SLC39A12: variants seen among roughly 807,000 people sequenced by gnomAD.
The protein encoded by SLC39A12 is zinc transporter ZIP12.
SLC39A12 carries 63 observed loss-of-function variants against 71.1 expected under a neutral mutation model. That is an observed-to-expected ratio of 0.89 (90% CI 0.72 to 1.09). SLC39A12 has a LOEUF of 1.09. Among genes scored for constraint, SLC39A12 ranks in the 50% least tolerant of loss-of-function variants. The pLI is 0.00. For synonymous variants in SLC39A12, 351 were observed against 301.3 expected (o/e 1.16, Z -1.71); for missense variants, 892 against 812.6 (o/e 1.10, Z -1.19).
At chr10:18,037,398 A>G (rs759498565) in intron 12 of SLC39A12, among the ~76,000 whole-genome samples, 3 of 145,000 alleles carry the variant, frequency 2.1e-5, no homozygotes, top group Non-Finnish European at 4.6e-5. Context: ...TTTCAGATAG[A>G]AACAGTGAAT....
At chr10:17,970,006 G>A (rs1834928752) in intron 4 of SLC39A12, among the ~76,000 whole-genome samples, 1 of 152,106 alleles carries the variant, frequency 6.6e-6, no homozygotes, top group African/African-American at 2.4e-5. Context: ...TTCTGCATGG[G>A]GATGTTCAGT....
At chr10:17,966,778 T>C (rs1032694805) in intron 4 of SLC39A12, among the ~76,000 whole-genome samples, 2 of 151,948 alleles carry the variant, frequency 1.3e-5, no homozygotes, top group Non-Finnish European at 2.9e-5. Context: ...GAGACCAGCC[T>C]GGCCAACATA....
intron 2 of SLC39A12, among the ~76,000 whole-genome samples, chr10:17,955,322 C>T (rs1434053450): frequency 6.6e-6 from 1 of 151,208 alleles, no homozygotes; most frequent in Non-Finnish European, 1.5e-5. Flanking sequence ...ATAGCTTCAC[C>T]CTCCTTCTCT....
rs777599990 is a variant in SLC39A12 at position 18,003,233 on chromosome 10, A to G, written c.1822A>G (p.Ile608Val). ...GAAGACTGCCATCCTGATGAATTTT[A>G]TAAGCTCCCTAACTGCCTTCATGGG... is the stretch of plus-strand genomic sequence containing the variant. ...SMKTAILMNF[I>V]SSLTAFMGLY... Residue 608 changes from isoleucine (I) to valine (V), a missense_variant, in exon 12 of 13, where the codon ATA (isoleucine) becomes GTA (valine). Coordinates refer to ENST00000377369, the MANE Select transcript of SLC39A12 (RefSeq NM_001145195.2). 3 of 1,614,150 alleles carry G rather than the reference A, an allele frequency of 1.9e-6. No homozygotes were observed. The highest frequency in any genetic ancestry group is 2.2e-5 in the East Asian group (1 of 44,872).
Position 17,976,133 on chromosome 10 carries a change from C to T in SLC39A12, c.752-1769C>T, listed in dbSNP as rs928438327. On this transcript the variant is annotated intron_variant, in intron 4 of 12. Coordinates refer to ENST00000377369, the MANE Select transcript of SLC39A12 (RefSeq NM_001145195.2). ...AATATGAAGTTAAAACCAGGTATAACGAGGGCTCACCTGAATTTTAGTTTG... is the reference window on the plus strand; with the variant it reads ...AATATGAAGTTAAAACCAGGTATAATGAGGGCTCACCTGAATTTTAGTTTG... 3.9e-5 allele frequency among the ~76,000 whole-genome samples: 6 copies of T among 152,218 alleles called. No homozygotes were observed. In the South Asian group the frequency reaches 8.3e-4, roughly 21 times the overall value.
At chr10:18,020,813 G>A (rs1435863566) in intron 12 of SLC39A12, among the ~76,000 whole-genome samples, 1 of 151,730 alleles carries the variant, frequency 6.6e-6, no homozygotes, top group Non-Finnish European at 1.5e-5. Flanking sequence ...TTTTTAATGG[G>A]GCCATTTGTT....
At position 17,977,913 on chromosome 10, in the gene SLC39A12, C is replaced by G. The variant is rs139097682; in HGVS notation, c.763C>G (p.Leu255Val). 31 of 1,588,712 alleles carry G rather than the reference C, an allele frequency of 2.0e-5. 1 individual carries two copies. The highest frequency in any genetic ancestry group is 2.4e-5 in the Non-Finnish European group (28 of 1,171,690). ...NTLRLSELDQ[L>V]LNTLWTRSTC... ...TATGAAATTTCTAGAACTAGACCAA[C>G]TCCTCAACACTCTCTGGACCAGAAG... The change falls in exon 5 of 13, where the codon CTC becomes GTC. Residue 255 changes from leucine (L) to valine (V), a missense_variant. Coordinates refer to ENST00000377369, the MANE Select transcript of SLC39A12 (RefSeq NM_001145195.2).
At chr10:17,976,417 T>C (rs1420277307) in intron 4 of SLC39A12, among the ~76,000 whole-genome samples, 1 of 152,168 alleles carries the variant, frequency 6.6e-6, no homozygotes, top group Non-Finnish European at 1.5e-5. Flanking sequence ...GTTGTAGTTG[T>C]TGTTTTTTGT....
chr10:17,964,878 G>C (rs1210442585), intron 3 of SLC39A12, among the ~76,000 whole-genome samples: 3 of 152,210 alleles, frequency 2.0e-5, no homozygotes, highest in African/African-American at 7.2e-5. Context: ...TAAACAATAA[G>C]AGCAGGAGTT....
At chr10:17,983,281 G>A (rs1835314737) in intron 6 of SLC39A12, among the ~76,000 whole-genome samples, 1 of 150,836 alleles carries the variant, frequency 6.6e-6, no homozygotes, top group Non-Finnish European at 1.5e-5. Context: ...ACTTGAGCCC[G>A]AGAGTTTGAG....
rs139273959 is a variant in SLC39A12 at position 18,022,046 on chromosome 10, A to T, written c.1947+18688A>T. Among the ~76,000 whole-genome samples the T allele has an allele frequency of 5.0e-4, 76 of 152,172 alleles. No homozygotes were observed. In the East Asian group the frequency reaches 0.011, roughly 22 times the overall value. On this transcript the variant is annotated intron_variant, in intron 12 of 12. Coordinates refer to ENST00000377369, the MANE Select transcript of SLC39A12 (RefSeq NM_001145195.2). ...CTACCCCTTCTCTCTAGCTGCCTTT[A>T]ATATGTTTTCTTTTGTGTTGACCTT...
At position 17,987,593 on chromosome 10, in the gene SLC39A12, T is replaced by C; in HGVS notation, c.1211T>C (p.Phe404Ser). 1 of 1,614,176 alleles carries C rather than the reference T, an allele frequency of 6.2e-7. No individual in the cohort carries two copies. The highest frequency in any genetic ancestry group is 8.5e-7 in the Non-Finnish European group (1 of 1,180,034). ...EENYRLILQL[F>S]VGLAVGTLSG... ...AACTACAGGCTTATCTTACAGCTGT[T>C]TGTGGGCTTGGCCGTCGGGACACTG... is the stretch of plus-strand genomic sequence containing the variant. The change falls in exon 7 of 13, where the codon TTT becomes TCT. Residue 404 changes from phenylalanine (F) to serine (S), a missense_variant. Phe to Ser is a radical substitution (Grantham distance 155). Coordinates refer to ENST00000377369, the MANE Select transcript of SLC39A12 (RefSeq NM_001145195.2).
intron 2 of SLC39A12, among the ~76,000 whole-genome samples, chr10:17,961,250 A>T (rs1415841852): frequency 6.6e-6 from 1 of 152,248 alleles, no homozygotes; most frequent in Non-Finnish European, 1.5e-5. Flanking sequence ...ACCAAAAAGA[A>T]GATTGCAAGG....
chr10:17,983,378 C>A (rs1278621841), intron 6 of SLC39A12, among the ~76,000 whole-genome samples: 1 of 151,936 alleles, frequency 6.6e-6, no homozygotes, highest in East Asian at 1.9e-4. Flanking sequence ...GTCTCAGATA[C>A]TTGGGGGGCT....
At chr10:17,995,570 C>A in intron 9 of SLC39A12, 86 bp from the exon 10 acceptor site, 1 of 1,232,342 alleles carries the variant, frequency 8.1e-7, no homozygotes, top group South Asian at 1.3e-5. Context: ...CTTTTAAAAA[C>A]CCATGTAACT....
intron 12 of SLC39A12, among the ~76,000 whole-genome samples, chr10:18,037,883 G>C (rs1042515568): frequency 6.6e-6 from 1 of 151,808 alleles, no homozygotes; most frequent in Non-Finnish European, 1.5e-5. Context: ...AGCCAGGCAT[G>C]GTGGTGCGTG....
At chr10:18,030,131 C>T (rs1836795925) in intron 12 of SLC39A12, among the ~76,000 whole-genome samples, 1 of 151,930 alleles carries the variant, frequency 6.6e-6, no homozygotes, top group South Asian at 2.1e-4. Context: ...TACATGTGAA[C>T]ATGGAAAGTT....
chr10:18,013,777 C>T (rs934700709), intron 12 of SLC39A12, among the ~76,000 whole-genome samples: 8 of 152,138 alleles, frequency 5.3e-5, no homozygotes, highest in Admixed American at 2.6e-4. Context: ...CAATTGATCA[C>T]GTGTGCAAGA....
intron 12 of SLC39A12, among the ~76,000 whole-genome samples, chr10:18,039,819 A>G (rs11012333): frequency 0.098 from 14,950 of 152,224 alleles, 1,144 homozygotes; most frequent in East Asian, 0.21. Context: ...TTGAGAACAA[A>G]TACTATTTCT....
Sources: allele counts gnomAD v4.1 joint callset (sites outside exome capture counted in the v4.1 genomes callset), GRCh38; gene constraint gnomAD v4.1.1; transcripts MANE v1.5; gene names NCBI Gene and HGNC (gene_info 2026-07-23, HGNC 2026-07-21).